Variants in GREM1 observed in about 807,000 individuals in gnomAD.
The protein encoded by GREM1 is gremlin-1.
GREM1 carries 6 observed loss-of-function variants against 13.1 expected under a neutral mutation model. The observed-to-expected ratio is 0.46, with a 90% CI of 0.25 to 0.91. The LOEUF is 0.91. GREM1 is among the 40% of genes least tolerant of loss of function. The probability of loss-of-function intolerance (pLI) is 0.18; values close to 1 mark genes in which losing one functional copy is unlikely to be tolerated. For synonymous variants in GREM1, 98 were observed against 93.7 expected, an observed-to-expected ratio of 1.05 and a Z score of -0.27; for missense variants, 185 against 233.9, an observed-to-expected ratio of 0.79 and a Z score of 1.36.
At chr15:32,718,500 C>A (rs1255355817) in intron 1 of GREM1, 1 of 460,564 alleles carries the variant, frequency 2.2e-6, no homozygotes. Context: ...GCCCGCTTAG[C>A]GAGGGCGCGA....
rs1390077581 is a variant in GREM1 at position 32,736,743 on chromosome 15, CAACA to C, written c.*5502_*5505del. On this transcript the variant is annotated 3_prime_UTR_variant, in exon 2 of 2. Transcript: ENST00000651154. ...GAAAAGTCATTAAACAAAGAAACAACAACAAACCCTGGGGAAATGACAGTACGAT... is the reference window on the plus strand; with the variant it reads ...GAAAAGTCATTAAACAAAGAAACAACAACCCTGGGGAAATGACAGTACGAT... 1.3e-5 allele frequency: 2 copies of C among 152,138 alleles called. No individual in the cohort carries two copies. The highest frequency in any genetic ancestry group is 2.4e-5 in the African/African-American group (1 of 41,412). 9.4% of individuals were successfully genotyped at this position (152,138 alleles called of 1,614,324 possible).
chr15:32,741,710 G>A lies in GREM1; in HGVS notation c.*10465G>A, dbSNP rs2055762918. 6.6e-6 allele frequency: 1 copy of A among 152,116 alleles called. No individual in the cohort carries two copies. The highest frequency in any genetic ancestry group is 1.9e-4 in the East Asian group (1 of 5,200). 9.4% of individuals were successfully genotyped at this position (152,116 alleles called of 1,614,324 possible). ...TAGCTAGGACTTCCAGCACTAAATT[G>A]AATAGAAGTGATGAGAGTGGGCATG... On this transcript the variant is annotated 3_prime_UTR_variant, in exon 2 of 2. Coordinates refer to ENST00000651154, the MANE Select transcript of GREM1 (RefSeq NM_013372.7).
rs2055643722 is a variant in GREM1, at chr15:32,732,772, A to G, written c.*1527A>G. The G allele has an allele frequency of 4.3e-6, 1 of 229,904 alleles. No individual in the cohort carries two copies. Among genetic ancestry groups the G allele is most frequent in the South Asian group, 1.9e-4 (1 of 5,378 alleles). The allele number at this position is 229,904 out of a possible 1,614,324, so 14.2% of individuals were successfully genotyped here. ...GGCAATGGCTACTTAGGATTGATCT[A>G]AGGGCCAAAGTGCAGGGTGGGTGAA... On this transcript the variant is annotated 3_prime_UTR_variant, in exon 2 of 2. Transcript: ENST00000651154.
chr15:32,722,181 C>G (rs924835832), intron 1 of GREM1, among the ~76,000 whole-genome samples: 3 of 152,146 alleles, frequency 2.0e-5, no homozygotes, highest in African/African-American at 7.2e-5. Flanking sequence ...AGTTAAAGAT[C>G]AAATTAAAAA....
chr15:32,729,238 A>G (rs375771086), intron 1 of GREM1, among the ~76,000 whole-genome samples: 4 of 151,726 alleles, frequency 2.6e-5, no homozygotes, highest in Non-Finnish European at 5.9e-5. Flanking sequence ...GTTAGCCAGG[A>G]TGGTCTCGAT....
In GREM1 at chr15:32,739,244, T is replaced by A. The variant is rs1243392923; in HGVS notation, c.*7999T>A. The A allele has an allele frequency of 6.6e-6, 1 of 152,228 alleles. No individual in the cohort carries two copies. Among genetic ancestry groups the A allele is most frequent in the Non-Finnish European group, 1.5e-5 (1 of 68,030 alleles). 9.4% of individuals were successfully genotyped at this position (152,228 alleles called of 1,614,324 possible). ...ACCATTAGGGGAAGAAATTTTTCCATGCTTCACAGAAACTCTCCTTATACC... is the reference window on the plus strand; with the variant it reads ...ACCATTAGGGGAAGAAATTTTTCCAAGCTTCACAGAAACTCTCCTTATACC... On this transcript the variant is annotated 3_prime_UTR_variant, in exon 2 of 2. Transcript: ENST00000651154.
rs1423797976 is a variant in GREM1, at chr15:32,736,751, C to T, written c.*5506C>T. 6.6e-6 allele frequency: 1 copy of T among 152,036 alleles called. No homozygotes were observed. Among genetic ancestry groups the T allele is most frequent in the Non-Finnish European group, 1.5e-5 (1 of 68,016 alleles). 9.4% of individuals were successfully genotyped at this position (152,036 alleles called of 1,614,324 possible). A position where few individuals can be genotyped will look rare whatever the true frequency, so the allele number is the denominator to read the frequency against. On this transcript the variant is annotated 3_prime_UTR_variant, in exon 2 of 2. Coordinates refer to ENST00000651154, the MANE Select transcript of GREM1 (RefSeq NM_013372.7). Reference sequence around the variant, plus strand: ...ATTAAACAAAGAAACAACAACAAACCCTGGGGAAATGACAGTACGATCAAA... The same window carrying T: ...ATTAAACAAAGAAACAACAACAAACTCTGGGGAAATGACAGTACGATCAAA...
rs2055507368 is a variant in GREM1 at position 32,726,518 on chromosome 15, C to T, written c.-1-4172C>T. Among the ~76,000 whole-genome samples, 5 of 152,134 alleles carry T rather than the reference C, an allele frequency of 3.3e-5. No individual in the cohort carries two copies. In the South Asian group the frequency reaches 1.0e-3, roughly 31 times the overall value. ...GCAGTGTTTAGAGGGAAATTGATAG[C>T]ACTAAATGCCCACAGGAGAAAGCGG... On this transcript the variant is annotated intron_variant, in intron 1 of 1. Coordinates refer to ENST00000651154, the MANE Select transcript of GREM1 (RefSeq NM_013372.7).
chr15:32,718,592 C>T, intron 1 of GREM1: 1 of 400,284 alleles, frequency 2.5e-6, no homozygotes, highest in Admixed American at 3.0e-5. Flanking sequence ...GAGAGGGTCC[C>T]ATGTGCTTGG....
In GREM1 at chr15:32,730,909, G is replaced by A; in HGVS notation, c.219G>A (p.Val73=). The A allele has an allele frequency of 6.2e-7, 1 of 1,613,858 alleles. No individual in the cohort carries two copies. The highest frequency in any genetic ancestry group is 8.5e-7 in the Non-Finnish European group (1 of 1,179,950). Residue 73 remains valine (V), a synonymous_variant, in exon 2 of 2, where the codon GTG becomes GTA. Coordinates refer to ENST00000651154, the MANE Select transcript of GREM1 (RefSeq NM_013372.7). The stretch of plus-strand genomic sequence containing the variant: ...GCACTGCCATGCCCGGGGAGGAGGT[G>A]CTGGAGTCCAGCCAAGAGGCCCTGC... ...GRGTAMPGEE[V]LESSQEALHV...
intron 1 of GREM1, among the ~76,000 whole-genome samples, chr15:32,729,187 C>G (rs1165013373): frequency 1.8e-5 from 2 of 111,026 alleles, no homozygotes; most frequent in Non-Finnish European, 4.5e-5. Context: ...CTACGCCCGG[C>G]TAATTTTTTT....
chr15:32,718,092 G>T lies in GREM1; in HGVS notation c.-71G>T, dbSNP rs1272060908. 8.1e-7 allele frequency: 1 copy of T among 1,230,914 alleles called. No homozygotes were observed. The highest frequency in any genetic ancestry group is 1.7e-5 in the South Asian group (1 of 60,278). The allele number at this position is 1,230,914 out of a possible 1,614,324, so 76.2% of individuals were successfully genotyped here. On this transcript the variant is annotated 5_prime_UTR_variant, in exon 1 of 2. Coordinates refer to ENST00000651154, the MANE Select transcript of GREM1 (RefSeq NM_013372.7). ...GCTGACCCCGCGCCGAGCCCCGGCG[G>T]CTCTGGCCGCGGCCGCACTCAGCGC...
chr15:32,726,129 A>T (rs962523256), intron 1 of GREM1, among the ~76,000 whole-genome samples: 3 of 152,038 alleles, frequency 2.0e-5, no homozygotes, highest in Admixed American at 1.3e-4. Context: ...TTTTGGTTCT[A>T]TATGAAATTT....
chr15:32,729,270 G>T (rs1363676072), intron 1 of GREM1, among the ~76,000 whole-genome samples: 1 of 151,882 alleles, frequency 6.6e-6, no homozygotes, highest in East Asian at 1.9e-4. Context: ...GTGATCCGCC[G>T]CCCATCTGGG....
chr15:32,728,664 T>C (rs2055556200), intron 1 of GREM1, among the ~76,000 whole-genome samples: 1 of 152,214 alleles, frequency 6.6e-6, no homozygotes. Context: ...ATAATGTTAC[T>C]GTTAAGTTGC....
chr15:32,729,635 A>G (rs1417925386), intron 1 of GREM1, among the ~76,000 whole-genome samples: 1 of 152,064 alleles, frequency 6.6e-6, no homozygotes, highest in Non-Finnish European at 1.5e-5. Flanking sequence ...TTGTTCACAT[A>G]TCACTGCCCT....
At chr15:32,723,371 G>A (rs952791773) in intron 1 of GREM1, among the ~76,000 whole-genome samples, 2 of 152,128 alleles carry the variant, frequency 1.3e-5, no homozygotes, top group East Asian at 3.9e-4. Flanking sequence ...ATGAATTATA[G>A]TTCTTACCCT....
At position 32,734,642 on chromosome 15, in the gene GREM1, C is replaced by T. The variant is rs2055673635; in HGVS notation, c.*3397C>T. 1 of 243,164 alleles carries T rather than the reference C, an allele frequency of 4.1e-6. No individual in the cohort carries two copies. The highest frequency in any genetic ancestry group is 1.8e-4 in the South Asian group (1 of 5,514). The allele number at this position is 243,164 out of a possible 1,614,324, so 15.1% of individuals were successfully genotyped here. A position where few individuals can be genotyped will look rare whatever the true frequency, so the allele number is the denominator to read the frequency against. On this transcript the variant is annotated 3_prime_UTR_variant, in exon 2 of 2. Coordinates refer to ENST00000651154, the MANE Select transcript of GREM1 (RefSeq NM_013372.7). The stretch of plus-strand genomic sequence containing the variant: ...CTATATAGCCTTTGCTAAAGAGCAA[C>T]TAATAAATTAAACCTATTCTTTCTG...
intron 1 of GREM1, among the ~76,000 whole-genome samples, chr15:32,724,196 T>A (rs988689231): frequency 6.6e-6 from 1 of 152,178 alleles, no homozygotes; most frequent in African/African-American, 2.4e-5. Flanking sequence ...AAGCCTTAAG[T>A]TGGTTCAGAG....
Sources: gnomAD v4.1 joint callset for allele counts (sites outside exome capture counted in the v4.1 genomes callset) on GRCh38, gnomAD v4.1.1 for gene constraint, MANE v1.5 for transcripts, NCBI Gene and HGNC (gene_info 2026-07-23, HGNC 2026-07-21) for gene names.